PIEZO1: variants seen among roughly 807,000 people sequenced by gnomAD.
PIEZO1 encodes piezo-type mechanosensitive ion channel component 1.
A neutral mutation model predicts 297.2 loss-of-function variants in PIEZO1; 296 were observed. The observed-to-expected ratio is 1.00, with a 90% CI of 0.91 to 1.10. The LOEUF is 1.10. PIEZO1 is among the 50% of genes least tolerant of loss of function. The pLI is 0.00. For synonymous variants in PIEZO1, 2,427 were observed against 1,507.5 expected (o/e 1.61, Z -14.13); for missense variants, 5,018 against 3,455.5 (o/e 1.45, Z -11.34).
chr16:88,734,354 AC>A lies in PIEZO1; in HGVS notation c.2180+1del. 6.6e-7 allele frequency: 1 copy of A among 1,521,538 alleles called. No individual in the cohort carries two copies. The highest frequency in any genetic ancestry group is 1.3e-5 in the South Asian group (1 of 79,946). 94.3% of individuals were successfully genotyped at this position (1,521,538 alleles called of 1,614,324 possible). On this transcript the variant is annotated splice_donor_variant, in intron 16 of 50. Coordinates refer to ENST00000301015, the MANE Select transcript of PIEZO1 (RefSeq NM_001142864.4). LOFTEE classifies it high-confidence loss of function. ...GGCCGGACAGGGAGGGCGGGGCCGC[AC>A]CTGTGAGCCCAGCGCGGGAGGCGCG...
In PIEZO1 at chr16:88,721,615, G is replaced by A. The variant is rs1391347524; in HGVS notation, c.5326C>T (p.Leu1776=). ...KPYFPPRILG[L]EKTDGYIKYD... ...TTGATGTAGCCGTCAGTCTTCTCCA[G>A]GCCCAGGATGCGGGGCGGGAAGTAG... The change falls in exon 38 of 51, where the codon CTG becomes TTG. Residue 1776 remains leucine (L), a synonymous_variant. Coordinates refer to ENST00000301015, the MANE Select transcript of PIEZO1 (RefSeq NM_001142864.4). 6 of 1,550,294 alleles carry A rather than the reference G, an allele frequency of 3.9e-6. No individual in the cohort carries two copies. In the Admixed American group the frequency reaches 7.8e-5, roughly 20 times the overall value.
In PIEZO1 at chr16:88,723,477, G is replaced by A. The variant is rs188095167; in HGVS notation, c.4336-149C>T. Reference sequence around the variant, plus strand: ...TGTCCCTGAGCCCCTCCCGGATGGGGACCCTGAGGGGCTGTGGGGGAAGAC... The same window carrying A: ...TGTCCCTGAGCCCCTCCCGGATGGGAACCCTGAGGGGCTGTGGGGGAAGAC... On this transcript the variant is annotated intron_variant, in intron 31 of 50. Transcript: ENST00000301015. The A allele has an allele frequency of 4.7e-5, 42 of 901,716 alleles. No individual in the cohort carries two copies. The East Asian group carries it at 8.7e-4, about 19-fold the overall frequency. 55.9% of individuals were successfully genotyped at this position (901,716 alleles called of 1,614,324 possible).
At position 88,734,003 on chromosome 16, in the gene PIEZO1, A is replaced by ATGCTCCTGC; in HGVS notation, c.2223_2231dup (p.Gln741_Glu743dup). 2 of 1,544,966 alleles carry ATGCTCCTGC rather than the reference A, an allele frequency of 1.3e-6. No homozygotes were observed. Among genetic ancestry groups the ATGCTCCTGC allele is most frequent in the Non-Finnish European group, 1.7e-6 (2 of 1,143,338 alleles). ...CCTCCTCCTCCTGCTGCTGCTGCTG[A>ATGCTCCTGC]TGCTCCTGCTGCTCCTCCCGCAGCA... is the stretch of plus-strand genomic sequence containing the variant. On this transcript the variant is annotated inframe_insertion, in exon 17 of 51. Coordinates refer to ENST00000301015, the MANE Select transcript of PIEZO1 (RefSeq NM_001142864.4).
At position 88,736,775 on chromosome 16, in the gene PIEZO1, G is replaced by C. The variant is rs905990902; in HGVS notation, c.1196-36C>G. 7 of 1,348,076 alleles carry C rather than the reference G, an allele frequency of 5.2e-6. No homozygotes were observed. In the African/African-American group the frequency reaches 1.0e-4, roughly 20 times the overall value. 83.5% of individuals were successfully genotyped at this position (1,348,076 alleles called of 1,614,324 possible). A position where few individuals can be genotyped will look rare whatever the true frequency, so the allele number is the denominator to read the frequency against. On this transcript the variant is annotated intron_variant, in intron 10 of 50. Transcript: ENST00000301015. ...GGACAGCGGTCAGCTTCGGCAGGTT[G>C]ATCTGCAGGCCTCCCCACCCTGACT...
intron 22 of PIEZO1, among the ~76,000 whole-genome samples, chr16:88,728,013 C>T (rs76411498): frequency 0.015 from 2,270 of 152,302 alleles, 58 homozygotes; most frequent in African/African-American, 0.052. Context: ...GCTGCACGGA[C>T]GCCTGCAGCC....
Position 88,749,463 on chromosome 16 carries a change from G to A in PIEZO1, c.81C>T (p.Phe27=), listed in dbSNP as rs1316836030. ...GCAGGTAGACCAGCGAGAGTCCGCTGAAGCGGAGCAGGCAGGCTGCGGGGA... is the reference window on the plus strand; with the variant it reads ...GCAGGTAGACCAGCGAGAGTCCGCTAAAGCGGAGCAGGCAGGCTGCGGGGA... ...CALLAACLLR[F]SGLSLVYLLF... The change falls in exon 2 of 51, where the codon TTC becomes TTT. Residue 27 remains phenylalanine (F), a synonymous_variant. Transcript: ENST00000301015. The A allele has an allele frequency of 2.0e-6, 3 of 1,526,290 alleles. No homozygotes were observed. The highest frequency in any genetic ancestry group is 2.8e-5 in the African/African-American group (2 of 72,282). The allele number at this position is 1,526,290 out of a possible 1,614,324, so 94.5% of individuals were successfully genotyped here. A position where few individuals can be genotyped will look rare whatever the true frequency, so the allele number is the denominator to read the frequency against.
chr16:88,728,274 G>C (rs1904597205), intron 22 of PIEZO1, among the ~76,000 whole-genome samples: 1 of 152,280 alleles, frequency 6.6e-6, no homozygotes, highest in South Asian at 2.1e-4. Flanking sequence ...CTTCCTGGGA[G>C]GCGTGTGAGG....
chr16:88,784,606 G>A (rs1908092269), intron 1 of PIEZO1, among the ~76,000 whole-genome samples: 1 of 151,642 alleles, frequency 6.6e-6, no homozygotes, highest in South Asian at 2.1e-4. Context: ...GCAGCGCCCC[G>A]GCGGAGACGC....
At chr16:88,757,276 C>T (rs1168151484) in intron 1 of PIEZO1, among the ~76,000 whole-genome samples, 1 of 136,826 alleles carries the variant, frequency 7.3e-6, no homozygotes, top group East Asian at 2.2e-4. Context: ...GGCAGCGCAG[C>T]AGCACCTGGT....
chr16:88,739,011 G>A (rs1214392452), intron 5 of PIEZO1: 2 of 534,398 alleles, frequency 3.7e-6, no homozygotes, highest in South Asian at 2.2e-5. Context: ...GCCAAGCCCA[G>A]GCACGTGATG....
chr16:88,738,048 C>G lies in PIEZO1; in HGVS notation c.906G>C (p.Leu302=). ...GPTNCSSPHA[L]VLNTGLDWPV... is the part of the protein sequence containing the mutation. ...GCCAGTCCAGGCCGGTGTTGAGGAC[C>G]AGCGCGTGGGGGCTGGAGCAGTTGG... The change falls in exon 8 of 51, where the codon CTG becomes CTC. Residue 302 remains leucine, a synonymous_variant. Transcript: ENST00000301015. 2 of 1,535,804 alleles carry G rather than the reference C, an allele frequency of 1.3e-6. No homozygotes were observed. Among genetic ancestry groups the G allele is most frequent in the Non-Finnish European group, 1.7e-6 (2 of 1,146,838 alleles).
chr16:88,731,684 AC>A, intron 22 of PIEZO1, 21 bp downstream of exon 22: 1 of 1,543,726 alleles, frequency 6.5e-7, no homozygotes, highest in Non-Finnish European at 8.8e-7. Flanking sequence ...GCCCACTCCC[AC>A]CCAAGCCACG....
chr16:88,756,273 G>A (rs1906649102), intron 1 of PIEZO1, among the ~76,000 whole-genome samples: 3 of 152,206 alleles, frequency 2.0e-5, no homozygotes, highest in African/African-American at 7.2e-5. Context: ...GGAGGCACCT[G>A]CCCAACCTGG....
intron 1 of PIEZO1, among the ~76,000 whole-genome samples, chr16:88,765,564 G>A (rs76625195): frequency 1.4e-3 from 218 of 152,312 alleles, no homozygotes; most frequent in African/African-American, 4.6e-3. Context: ...AGCACTGCCC[G>A]GACACGTGGC....
intron 1 of PIEZO1, among the ~76,000 whole-genome samples, chr16:88,755,234 G>T (rs568035030): frequency 6.6e-6 from 1 of 152,378 alleles, no homozygotes; most frequent in South Asian, 2.1e-4. Context: ...TGTGGCTCGG[G>T]CCTAGCTGGC....
chr16:88,722,130 G>C, intron 36 of PIEZO1, 64 bp from the exon 37 acceptor site: 1 of 1,522,928 alleles, frequency 6.6e-7, no homozygotes, highest in South Asian at 1.2e-5. Context: ...GGCCCGATCT[G>C]TTGCCGGTCA....
intron 2 of PIEZO1, among the ~76,000 whole-genome samples, chr16:88,747,451 G>A (rs1436400336): frequency 1.3e-5 from 2 of 152,248 alleles, no homozygotes; most frequent in Non-Finnish European, 2.9e-5. Flanking sequence ...GCGAGGCGGA[G>A]GTTGCAGTGA....
intron 1 of PIEZO1, 57 bp downstream of exon 1, chr16:88,784,844 T>C: frequency 1.6e-6 from 2 of 1,253,252 alleles, no homozygotes; most frequent in South Asian, 2.7e-5. Context: ...GTCCAGGCCG[T>C]GGGGAGCCGA....
chr16:88,755,548 G>T (rs768813252), intron 1 of PIEZO1, among the ~76,000 whole-genome samples: 16 of 152,258 alleles, frequency 1.1e-4, no homozygotes, highest in Non-Finnish European at 2.4e-4. Flanking sequence ...CCTGCCTGGA[G>T]GCTGCCTGAG....
Sources: gnomAD v4.1 joint callset for allele counts (sites outside exome capture counted in the v4.1 genomes callset) on GRCh38, gnomAD v4.1.1 for gene constraint, MANE v1.5 for transcripts, NCBI Gene and HGNC (gene_info 2026-07-23, HGNC 2026-07-21) for gene names.